FGF13: variants seen among roughly 807,000 people sequenced by gnomAD.
FGF13 encodes the protein fibroblast growth factor homologous factor 2.
FGF13 carries 2 observed loss-of-function variants against 19.5 expected under a neutral mutation model. The observed-to-expected ratio is 0.10, with a 90% CI of 0.04 to 0.32. The LOEUF (loss-of-function observed/expected upper bound fraction) is 0.32, where lower values mean the gene tolerates loss of function less well. FGF13 is among the 10% of genes least tolerant of loss of function. FGF13 has a pLI of 1.00. For missense variants in FGF13, 113 were observed against 192.7 expected (o/e 0.59, Z 2.45); for synonymous variants, 72 against 76.9 (o/e 0.94, Z 0.33).
upstream of FGF13, chrX:138,739,413 G>T (rs547010225): frequency 2.0e-6 from 1 of 490,742 alleles, no homozygotes; most frequent in South Asian, 5.2e-5. Context: ...CATACTCTCA[G>T]TATAGAGAGA....
At chrX:138,650,113 C>A (rs930983957) in intron 3 of FGF13, among the ~76,000 whole-genome samples, 137 of 111,586 alleles carry the variant, frequency 1.2e-3, no homozygotes, top group Admixed American at 3.2e-3. Flanking sequence ...CATGAAGTAT[C>A]CTAAAGTGTA....
chrX:138,934,560 A>G lies in FGF13; in HGVS notation c.-112-69910T>C, dbSNP rs374600632. On this transcript the variant is annotated intron_variant, in intron 1 of 2. Coordinates refer to the FGF13 transcript ENST00000421460. ...GATGGGAACTTGTATTTTATTTCAA[A>G]TGTGTGCTGCTCATGGAGGATGGCT... is the stretch of plus-strand genomic sequence containing the variant. 4.4e-5 allele frequency among the ~76,000 whole-genome samples: 5 copies of G among 112,809 alleles called. No individual in the cohort carries two copies. In the East Asian group the frequency reaches 1.1e-3, roughly 25 times the overall value.
At chrX:138,644,948 C>A (rs773517101) in intron 3 of FGF13, among the ~76,000 whole-genome samples, 2 of 111,897 alleles carry the variant, frequency 1.8e-5, no homozygotes, top group South Asian at 3.8e-4. Flanking sequence ...AAGAGAGGAA[C>A]CTTTTTTATG....
At chrX:138,830,109 G>A (rs2091061033) in intron 3 of FGF13, among the ~76,000 whole-genome samples, 1 of 112,259 alleles carries the variant, frequency 8.9e-6, no homozygotes, top group Non-Finnish European at 1.9e-5. Flanking sequence ...TAATAAAGAC[G>A]GGAATGTTGT....
At chrX:138,880,904 TAG>T (rs1207177110) in intron 1 of FGF13, among the ~76,000 whole-genome samples, 1 of 111,771 alleles carries the variant, frequency 8.9e-6, no homozygotes, top group Non-Finnish European at 1.9e-5. Context: ...GGGGTCTATA[TAG>T]GAGGCCCTTG....
At chrX:138,724,344 G>C (rs1323283612) in intron 1 of FGF13, among the ~76,000 whole-genome samples, 1 of 111,522 alleles carries the variant, frequency 9.0e-6, no homozygotes, top group Non-Finnish European at 1.9e-5. Flanking sequence ...AGGGATTCTT[G>C]CATTTAGTAG....
chrX:138,648,413 AGCAT>A (rs1484764667), intron 3 of FGF13, among the ~76,000 whole-genome samples: 1 of 111,165 alleles, frequency 9.0e-6, no homozygotes. Context: ...CTACAACTCT[AGCAT>A]AAGATTCCTC....
intron 3 of FGF13, among the ~76,000 whole-genome samples, chrX:138,767,996 C>T (rs191587172): frequency 0.016 from 1,773 of 112,122 alleles, 25 homozygotes; most frequent in African/African-American, 0.054. Context: ...CAGTTTTCTA[C>T]TGTGGGAATA....
At chrX:138,978,270 T>TTTTA (rs1243870412) in intron 1 of FGF13, among the ~76,000 whole-genome samples, 1 of 97,372 alleles carries the variant, frequency 1.0e-5, no homozygotes, top group Non-Finnish European at 2.0e-5. Flanking sequence ...GCCCTGGTTT[T>TTTTA]TTTTTTTTTT....
intron 1 of FGF13, among the ~76,000 whole-genome samples, chrX:138,953,926 G>T (rs1412865499): frequency 9.0e-6 from 1 of 111,142 alleles, no homozygotes; most frequent in African/African-American, 3.3e-5. Flanking sequence ...CTTTGTCTCT[G>T]GAAAGGGTGA....
Position 138,786,838 on chromosome X carries a change from A to G in FGF13, c.217+70674T>C, listed in dbSNP as rs192576266. The stretch of plus-strand genomic sequence containing the variant: ...TCCCTATTAACACCACAATTCCATC[A>G]TTAGTTTCTACTTTTCAGGTCACAA... On this transcript the variant is annotated intron_variant, in intron 3 of 6. Transcript: ENST00000436198. 1.7e-3 allele frequency among the ~76,000 whole-genome samples: 191 copies of G among 112,212 alleles called. 1 individual carries two copies. The South Asian group carries it at 0.025, about 15-fold the overall frequency.
chrX:139,196,086 C>T (rs1340526835), intron 1 of FGF13, among the ~76,000 whole-genome samples: 3 of 111,259 alleles, frequency 2.7e-5, no homozygotes, highest in East Asian at 2.8e-4. Flanking sequence ...GGAGGAAGAA[C>T]GGGGTAGGGT....
chrX:139,189,669 G>C (rs896580733), intron 1 of FGF13, among the ~76,000 whole-genome samples: 2 of 111,728 alleles, frequency 1.8e-5, no homozygotes, highest in African/African-American at 6.5e-5. Flanking sequence ...GGTTGCAAGG[G>C]ACTGGGGTAA....
intron 1 of FGF13, among the ~76,000 whole-genome samples, chrX:139,044,509 C>T (rs2092280467): frequency 9.0e-6 from 1 of 111,569 alleles, no homozygotes; most frequent in African/African-American, 3.3e-5. Context: ...TTAGGGCTTA[C>T]AATTCAACGT....
At chrX:138,855,302 G>A (rs1197493970), downstream of FGF13, among the ~76,000 whole-genome samples, 2 of 111,738 alleles carry the variant, frequency 1.8e-5, no homozygotes, top group African/African-American at 6.5e-5. Context: ...AAGCCTTCTG[G>A]ATCCTGTTAA....
chrX:138,982,414 ACATAGTC>A (rs2091967624), intron 1 of FGF13, among the ~76,000 whole-genome samples: 1 of 111,609 alleles, frequency 9.0e-6, no homozygotes, highest in Non-Finnish European at 1.9e-5. Context: ...CAGTCCCTCC[ACATAGTC>A]AGGACACATC....
At chrX:138,923,424 T>C (rs1359914214) in intron 1 of FGF13, among the ~76,000 whole-genome samples, 1 of 112,273 alleles carries the variant, frequency 8.9e-6, no homozygotes, top group Non-Finnish European at 1.9e-5. Flanking sequence ...ATGATCAAAA[T>C]ATAAGGATGA....
rs371253194 is a variant in FGF13 at position 139,164,591 on chromosome X, G to A, written c.-113+38825C>T. 1.4e-4 allele frequency among the ~76,000 whole-genome samples: 15 copies of A among 109,806 alleles called. No homozygotes were observed. The East Asian group carries it at 3.2e-3, about 23-fold the overall frequency. On this transcript the variant is annotated intron_variant, in intron 1 of 2. Transcript: ENST00000421460. ...TGTAGTCCTAGCTACTCAGGAAGCC[G>A]AGGTGGAAGGATTGCTTAAGCCCAG...
chrX:138,979,424 T>C (rs2091954342), intron 1 of FGF13, among the ~76,000 whole-genome samples: 1 of 110,400 alleles, frequency 9.1e-6, no homozygotes, highest in Admixed American at 9.7e-5. Context: ...TATATTATTA[T>C]TATACTTTAA....
Sources: gnomAD v4.1 joint callset for allele counts (sites outside exome capture counted in the v4.1 genomes callset) on GRCh38, gnomAD v4.1.1 for gene constraint, MANE v1.5 for transcripts, NCBI Gene and HGNC (gene_info 2026-07-23, HGNC 2026-07-21) for gene names.